The following TRPS1 variants were observed in gnomAD, a reference collection of about 807,000 sequenced individuals.
The protein encoded by TRPS1 is zinc finger transcription factor Trps1.
In TRPS1, 6 loss-of-function variants were observed where a neutral mutation model predicts 101.2. The ratio of observed to expected loss-of-function variants is 0.06; its 90% CI spans 0.03 to 0.12. TRPS1 has a LOEUF of 0.12. Ranked by LOEUF, TRPS1 falls within the 10% of genes least tolerant of loss-of-function variation. The pLI is 1.00. For missense variants in TRPS1, 1,363 were observed against 1,567.0 expected (o/e 0.87, Z 2.20); for synonymous variants, 578 against 589.8 (o/e 0.98, Z 0.29).
intron 4 of TRPS1, among the ~76,000 whole-genome samples, chr8:115,597,658 A>G (rs192343460): frequency 4.6e-4 from 70 of 152,132 alleles, no homozygotes; most frequent in Non-Finnish European, 8.1e-4. Context: ...TTTTCCTAAA[A>G]CTTTATCATT....
At chr8:115,520,444 G>C (rs960025799) in intron 5 of TRPS1, among the ~76,000 whole-genome samples, 1 of 151,804 alleles carries the variant, frequency 6.6e-6, no homozygotes, top group Admixed American at 6.6e-5. Flanking sequence ...AGATGAACTA[G>C]ATGACAAGTA....
chr8:115,509,119 A>G (rs978433449), intron 5 of TRPS1, among the ~76,000 whole-genome samples: 1 of 152,036 alleles, frequency 6.6e-6, no homozygotes, highest in Non-Finnish European at 1.5e-5. Context: ...GAAATGTGTC[A>G]GATCATTTCT....
At chr8:115,601,464 A>G (rs1438542489) in intron 4 of TRPS1, among the ~76,000 whole-genome samples, 2 of 152,088 alleles carry the variant, frequency 1.3e-5, no homozygotes, top group Non-Finnish European at 2.9e-5. Flanking sequence ...TTTTCTACTA[A>G]GCTGTGACTT....
intron 5 of TRPS1, among the ~76,000 whole-genome samples, chr8:115,543,580 G>A (rs986679903): frequency 1.3e-5 from 2 of 150,348 alleles, no homozygotes; most frequent in African/African-American, 4.9e-5. Context: ...AAAAATTGAG[G>A]CTAACTCTTT....
chr8:115,467,949 A>G (rs757106579), intron 5 of TRPS1, among the ~76,000 whole-genome samples: 2 of 152,202 alleles, frequency 1.3e-5, no homozygotes, highest in African/African-American at 2.4e-5. Context: ...TACGACATCA[A>G]TTAGAATGAC....
intron 5 of TRPS1, among the ~76,000 whole-genome samples, chr8:115,535,155 G>GCATATA: frequency 7.3e-6 from 1 of 137,592 alleles, no homozygotes; most frequent in East Asian, 2.2e-4. Flanking sequence ...TATAGCATAT[G>GCATATA]TATAGCATAT....
rs376386287 is a variant in TRPS1 at position 115,593,153 on chromosome 8, T to C, written c.2097-5549A>G. 4.6e-5 allele frequency among the ~76,000 whole-genome samples: 7 copies of C among 152,180 alleles called. No individual in the cohort carries two copies. In the East Asian group the frequency reaches 9.6e-4, roughly 21 times the overall value. Reference sequence around the variant, plus strand: ...TTTTTTATGAATGGCAACATTGTTATAGTTTTTAAGTCACATACACCTTCT... The same window carrying C: ...TTTTTTATGAATGGCAACATTGTTACAGTTTTTAAGTCACATACACCTTCT... On this transcript the variant is annotated intron_variant, in intron 4 of 6. Coordinates refer to ENST00000395715, the MANE Select transcript of TRPS1 (RefSeq NM_014112.5).
chr8:115,412,821 T>G lies in TRPS1; in HGVS notation c.*1202A>C, dbSNP rs767321434. The G allele has an allele frequency of 6.6e-6, 1 of 152,562 alleles. No individual in the cohort carries two copies. The highest frequency in any genetic ancestry group is 1.5e-5 in the Non-Finnish European group (1 of 68,006). The allele number at this position is 152,562 out of a possible 1,614,324, so 9.5% of individuals were successfully genotyped here. On this transcript the variant is annotated 3_prime_UTR_variant, in exon 7 of 7. Coordinates refer to ENST00000395715, the MANE Select transcript of TRPS1 (RefSeq NM_014112.5). ...TGCTGAGGAGCTTTCCCTTCATGGATAGTTTTTACAAAGCCTTAAGTATTA... is the reference window on the plus strand; with the variant it reads ...TGCTGAGGAGCTTTCCCTTCATGGAGAGTTTTTACAAAGCCTTAAGTATTA...
intron 1 of TRPS1, among the ~76,000 whole-genome samples, chr8:115,641,677 C>T (rs149835868): frequency 0.011 from 1,626 of 152,178 alleles, 43 homozygotes; most frequent in African/African-American, 0.038. Flanking sequence ...GTCAGGAGTT[C>T]GAGATCACCC....
At chr8:115,636,204 T>C (rs1818763676) in intron 1 of TRPS1, among the ~76,000 whole-genome samples, 1 of 152,104 alleles carries the variant, frequency 6.6e-6, no homozygotes, top group South Asian at 2.1e-4. Flanking sequence ...AATTGATCTC[T>C]TCCTAAAAGC....
chr8:115,606,818 A>G (rs995006603), intron 3 of TRPS1, among the ~76,000 whole-genome samples: 1 of 151,736 alleles, frequency 6.6e-6, no homozygotes, highest in Non-Finnish European at 1.5e-5. Flanking sequence ...AAAAAAAAAA[A>G]AAAAAAAAAA....
intron 5 of TRPS1, among the ~76,000 whole-genome samples, chr8:115,448,498 A>C (rs1375530467): frequency 6.6e-6 from 1 of 152,148 alleles, no homozygotes; most frequent in African/African-American, 2.4e-5. Flanking sequence ...TATGGAAAAG[A>C]GCTCTCTTTC....
intron 5 of TRPS1, among the ~76,000 whole-genome samples, chr8:115,480,912 G>A (rs1403717846): frequency 1.3e-5 from 2 of 151,950 alleles, no homozygotes; most frequent in African/African-American, 2.4e-5. Context: ...AAAATAAGTC[G>A]ACAGAATTAT....
intron 5 of TRPS1, among the ~76,000 whole-genome samples, chr8:115,523,597 A>G (rs1214799634): frequency 6.6e-6 from 1 of 152,198 alleles, no homozygotes; most frequent in East Asian, 1.9e-4. Context: ...GCAAACTTGC[A>G]TTTAAAAGAC....
Position 115,410,899 on chromosome 8 carries a change from A to T in TRPS1, c.*3124T>A, listed in dbSNP as rs965918196. The T allele has an allele frequency of 2.0e-5, 3 of 152,092 alleles. No individual in the cohort carries two copies. The highest frequency in any genetic ancestry group is 3.9e-4 in the East Asian group (2 of 5,166). The allele number at this position is 152,092 out of a possible 1,614,324, so 9.4% of individuals were successfully genotyped here. The stretch of plus-strand genomic sequence containing the variant: ...CTAAATCATCATGAAATTCCTCATT[A>T]AAAAAAGTTCCGTACCATAATAGCT... On this transcript the variant is annotated 3_prime_UTR_variant, in exon 7 of 7. Coordinates refer to ENST00000395715, the MANE Select transcript of TRPS1 (RefSeq NM_014112.5).
chr8:115,565,166 A>G (rs1235565252), intron 5 of TRPS1, among the ~76,000 whole-genome samples: 1 of 152,164 alleles, frequency 6.6e-6, no homozygotes, highest in East Asian at 1.9e-4. Flanking sequence ...ACAAGCAGAA[A>G]GCAGTTAAAT....
chr8:115,543,939 T>A (rs929649487), intron 5 of TRPS1, among the ~76,000 whole-genome samples: 3 of 152,030 alleles, frequency 2.0e-5, no homozygotes, highest in South Asian at 4.1e-4. Context: ...TAATAAAACA[T>A]AAAAATGCAA....
chr8:115,423,676 C>T (rs758132567), intron 5 of TRPS1, among the ~76,000 whole-genome samples: 7 of 152,220 alleles, frequency 4.6e-5, no homozygotes, highest in Non-Finnish European at 8.8e-5. Context: ...CACCAACATG[C>T]GGGTAACAAT....
chr8:115,546,660 T>G (rs1043081889), intron 5 of TRPS1, among the ~76,000 whole-genome samples: 5 of 151,868 alleles, frequency 3.3e-5, no homozygotes, highest in Admixed American at 2.6e-4. Context: ...TTCCATAAAT[T>G]ATTTCCATAA....
Sources: gnomAD v4.1 joint callset for allele counts (sites outside exome capture counted in the v4.1 genomes callset) on GRCh38, gnomAD v4.1.1 for gene constraint, MANE v1.5 for transcripts, NCBI Gene and HGNC (gene_info 2026-07-23, HGNC 2026-07-21) for gene names.